The following ARPP21 variants were observed in gnomAD, a reference collection of about 807,000 sequenced individuals.
ARPP21 encodes cAMP regulated phosphoprotein 21, also known as cAMP-regulated phosphoprotein 21.
In ARPP21, 69 loss-of-function variants were observed where a neutral mutation model predicts 113.2. The ratio of observed to expected loss-of-function variants is 0.61; its 90% CI spans 0.50 to 0.74. The LOEUF (loss-of-function observed/expected upper bound fraction) is 0.74, where lower values mean the gene tolerates loss of function less well. ARPP21 is among the 30% of genes least tolerant of loss of function. The pLI is 0.00. For missense variants in ARPP21, 1,070 were observed against 1,037.4 expected (o/e 1.03, Z -0.43); for synonymous variants, 368 against 375.5 (o/e 0.98, Z 0.23).
chr3:35,684,434 AG>A (rs2079929216), intron 5 of ARPP21: 2 of 975,068 alleles, frequency 2.1e-6, no homozygotes, highest in African/African-American at 3.5e-5. Context: ...CAAGATTAGT[AG>A]GTTATAAAAA....
upstream of ARPP21, among the ~76,000 whole-genome samples, chr3:35,639,401 G>T (rs1174369618): frequency 4.6e-5 from 7 of 152,000 alleles, no homozygotes; most frequent in Non-Finnish European, 7.4e-5. This position sits in a 1 kb window ranked among gnomAD's most constrained non-coding sequence, Gnocchi z 5.0. Flanking sequence ...GGAGCCACGT[G>T]CAACACGCGC....
At chr3:35,721,425 A>G (rs2093058747) in intron 13 of ARPP21, among the ~76,000 whole-genome samples, 180 bp from the exon 14 acceptor site, 1 of 152,176 alleles carries the variant, frequency 6.6e-6, no homozygotes, top group African/African-American at 2.4e-5. Flanking sequence ...GTGATGTGTC[A>G]TCTGTCTATA....
At chr3:35,722,914 C>A (rs905135861) in intron 14 of ARPP21, among the ~76,000 whole-genome samples, 1 of 152,150 alleles carries the variant, frequency 6.6e-6, no homozygotes, top group African/African-American at 2.4e-5. Flanking sequence ...TGACAAATGA[C>A]CATTCAGTAG....
chr3:35,753,018 A>AT lies in ARPP21; in HGVS notation c.2137+9057dup, dbSNP rs1164991364. 2.7e-5 allele frequency among the ~76,000 whole-genome samples: 4 copies of AT among 147,306 alleles called. No homozygotes were observed. The South Asian group carries it at 8.6e-4, about 32-fold the overall frequency. On this transcript the variant is annotated intron_variant, in intron 19 of 20. Transcript: ENST00000684406. ...AAATGCATGAATAACATGTGTACCT[A>AT]TTTTCACTTTGGTATGGCAGGAAGT...
chr3:35,743,738 T>C (rs762438281), intron 18 of ARPP21, 101 bp from the exon 19 acceptor site: 1 of 1,352,902 alleles, frequency 7.4e-7, no homozygotes, highest in African/African-American at 1.4e-5. Flanking sequence ...GTGGCCATCT[T>C]CACAACCTAC....
intron 19 of ARPP21, among the ~76,000 whole-genome samples, chr3:35,789,414 A>G (rs942301642): frequency 6.6e-6 from 1 of 152,224 alleles, no homozygotes; most frequent in Non-Finnish European, 1.5e-5. Context: ...AGTAGCCCCA[A>G]TTAAACCATT....
At chr3:35,784,943 G>C (rs2096599095) in intron 19 of ARPP21, 1 of 151,890 alleles carries the variant, frequency 6.6e-6, no homozygotes, top group Non-Finnish European at 1.5e-5. Flanking sequence ...GTTACATCCT[G>C]TAGCCATGCA....
At chr3:35,771,579 G>A (rs971804023) in intron 19 of ARPP21, among the ~76,000 whole-genome samples, 18 of 152,146 alleles carry the variant, frequency 1.2e-4, no homozygotes, top group Middle Eastern at 3.4e-3. Context: ...TCTGCCTGCC[G>A]TGGCCTCCCA....
chr3:35,717,174 C>T, intron 12 of ARPP21, 124 bp from the exon 13 acceptor site: 1 of 564,262 alleles, frequency 1.8e-6, no homozygotes, highest in Non-Finnish European at 3.2e-6. Context: ...CAAAATTCAA[C>T]ATCATATAAA....
chr3:35,674,576 G>A lies in ARPP21; in HGVS notation c.-212-5211G>A, dbSNP rs540164862. On this transcript the variant is annotated intron_variant, in intron 1 of 20. Transcript: ENST00000684406. Reference sequence around the variant, plus strand: ...TATACTTTATCTGGGAATAATGCAGGCATGTGATTTTCTATGTGGCTTTTG... The same window carrying A: ...TATACTTTATCTGGGAATAATGCAGACATGTGATTTTCTATGTGGCTTTTG... Among the ~76,000 whole-genome samples the A allele has an allele frequency of 2.6e-5, 4 of 151,924 alleles. No individual in the cohort carries two copies. The South Asian group carries it at 6.2e-4, about 24-fold the overall frequency.
intron 11 of ARPP21, among the ~76,000 whole-genome samples, chr3:35,710,585 A>G (rs868792836): frequency 7.0e-6 from 1 of 142,020 alleles, no homozygotes; most frequent in South Asian, 2.3e-4. Flanking sequence ...ACACACACAC[A>G]CATTTTCTCT....
chr3:35,646,897 G>A (rs1055821312), intron 1 of ARPP21, among the ~76,000 whole-genome samples: 5 of 152,088 alleles, frequency 3.3e-5, no homozygotes, highest in African/African-American at 1.2e-4. Flanking sequence ...GAACTAGCTG[G>A]TATTAATGAT....
At position 35,729,399 on chromosome 3, in the gene ARPP21, G is replaced by A. The variant is rs1256270420; in HGVS notation, c.1322G>A (p.Gly441Asp). 1.2e-6 allele frequency: 2 copies of A among 1,614,022 alleles called. No homozygotes were observed. Among genetic ancestry groups the A allele is most frequent in the Non-Finnish European group, 1.7e-6 (2 of 1,180,040 alleles). Residue 441 changes from glycine to aspartate, a missense_variant, in exon 15 of 21, where the codon GGC becomes GAC. Physicochemically the swap from Gly to Asp is moderately conservative, Grantham distance 94. Transcript: ENST00000684406. ...STPLVSGVAA[G>D]SPGCVPYPEN... The stretch of plus-strand genomic sequence containing the variant: ...CCCCTAGTCTCAGGTGTGGCAGCTG[G>A]CTCTCCAGGCTGTGTGCCTTATCCA...
intron 1 of ARPP21, among the ~76,000 whole-genome samples, chr3:35,652,794 C>A (rs1702979504): frequency 6.6e-6 from 1 of 151,954 alleles, no homozygotes; most frequent in African/African-American, 2.4e-5. Context: ...TACCATGTGG[C>A]CATTTGTGGA....
intron 1 of ARPP21, among the ~76,000 whole-genome samples, chr3:35,648,479 G>T (rs1177774145): frequency 6.6e-6 from 1 of 152,174 alleles, no homozygotes; most frequent in African/African-American, 2.4e-5. Context: ...CAAAGCAAAT[G>T]GAGCTTTGGC....
chr3:35,758,859 AGT>A (rs368826370), intron 19 of ARPP21, among the ~76,000 whole-genome samples: 1 of 151,804 alleles, frequency 6.6e-6, no homozygotes, highest in East Asian at 1.9e-4. Context: ...GGTTTTAAAA[AGT>A]GTGTGTGTGT....
chr3:35,653,398 C>T (rs1473763316), intron 1 of ARPP21, among the ~76,000 whole-genome samples: 1 of 151,928 alleles, frequency 6.6e-6, no homozygotes, highest in South Asian at 2.1e-4. Flanking sequence ...GAATCAGGAG[C>T]TAAGGGAAGT....
rs576620779 is a variant in ARPP21, at chr3:35,755,910, C to A, written c.2137+11945C>A. ...TGGTATTCCAATTTTGAATAGAAAG[C>A]AGTTTGCAAATTGCTGAACTTATAA... On this transcript the variant is annotated intron_variant, in intron 19 of 20. Coordinates refer to ENST00000684406, the MANE Select transcript of ARPP21 (RefSeq NM_001385562.1). Among the ~76,000 whole-genome samples the A allele has an allele frequency of 1.1e-3, 162 of 152,188 alleles. 1 individual carries two copies. The highest frequency in any genetic ancestry group is 3.5e-3 in the African/African-American group (147 of 41,540).
intron 19 of ARPP21, among the ~76,000 whole-genome samples, chr3:35,768,521 A>G (rs1198420634): frequency 1.3e-5 from 2 of 152,220 alleles, no homozygotes; most frequent in Non-Finnish European, 2.9e-5. Flanking sequence ...TATTTGATTT[A>G]TGATAGCATC....
Sources: allele counts gnomAD v4.1 joint callset (sites outside exome capture counted in the v4.1 genomes callset), GRCh38; gene constraint gnomAD v4.1.1; non-coding constraint Gnocchi (gnomAD v3.1); transcripts MANE v1.5; gene names NCBI Gene and HGNC (gene_info 2026-07-23, HGNC 2026-07-21).